DPEP3: variants seen among roughly 807,000 people sequenced by gnomAD.
The protein encoded by DPEP3 is membrane-bound dipeptidase 3.
In DPEP3, 42 loss-of-function variants were observed where a neutral mutation model predicts 47.5. The observed-to-expected ratio is 0.88, with a 90% CI of 0.69 to 1.14. The LOEUF is 1.14. Ranked by LOEUF, DPEP3 falls within the 50% of genes most tolerant of loss-of-function variation. DPEP3 has a pLI of 0.00. For synonymous variants in DPEP3, 276 were observed against 270.2 expected (o/e 1.02, Z -0.21); for missense variants, 560 against 635.0 (o/e 0.88, Z 1.27).
chr16:67,979,646 C>T lies in DPEP3; in HGVS notation c.407G>A (p.Gly136Asp), dbSNP rs767020082. ...TGTGTGTCCCTGTGGTACCTGGGCA[C>T]CCACGAGGCCGTCTCTAAGCCTGTC... ...SLDRLRDGLV[G>D]AQFWSASVSC... Residue 136 changes from glycine to aspartate, a missense_variant, in exon 2 of 10, where the codon GGT (glycine) becomes GAT (aspartate). By Grantham distance (94) the Gly-to-Asp change is moderately conservative. Transcript: ENST00000268793. 1 of 1,613,838 alleles carries T rather than the reference C, an allele frequency of 6.2e-7. No individual in the cohort carries two copies. The highest frequency in any genetic ancestry group is 8.5e-7 in the Non-Finnish European group (1 of 1,179,958).
At chr16:67,977,453 C>T in intron 6 of DPEP3, 99 bp from the exon 7 acceptor site, 1 of 1,367,758 alleles carries the variant, frequency 7.3e-7, no homozygotes, top group Non-Finnish European at 1.0e-6. Context: ...ATCCTGGCTT[C>T]AGGGGTTGGA....
intron 1 of DPEP3, 42 bp from the exon 2 acceptor site, chr16:67,979,807 A>C: frequency 6.2e-7 from 1 of 1,610,728 alleles, no homozygotes; most frequent in Non-Finnish European, 8.5e-7. Context: ...CCTCCAGATC[A>C]GTCAGGATAT....
chr16:67,976,254 G>A, intron 8 of DPEP3, 26 bp from the exon 9 acceptor site: 1 of 1,613,378 alleles, frequency 6.2e-7, no homozygotes, highest in Non-Finnish European at 8.5e-7. Flanking sequence ...CCAGCCAGCT[G>A]TGGGACCTTA....
intron 8 of DPEP3, 58 bp downstream of exon 8, chr16:67,976,635 GGAATGAA>G: frequency 6.7e-7 from 1 of 1,491,468 alleles, no homozygotes; most frequent in South Asian, 1.2e-5. Flanking sequence ...CGTCAGGATG[GGAATGAA>G]GACTAAAGGA....
chr16:67,976,305 G>C, intron 8 of DPEP3, 77 bp from the exon 9 acceptor site: 1 of 1,577,214 alleles, frequency 6.3e-7, no homozygotes. Context: ...ACCAGCCCTA[G>C]TCACACAGGG....
chr16:67,976,647 A>G, intron 8 of DPEP3, 53 bp downstream of exon 8: 1 of 1,558,486 alleles, frequency 6.4e-7, no homozygotes, highest in Non-Finnish European at 8.8e-7. Flanking sequence ...AATGAAGACT[A>G]AAGGACTCCC....
Position 67,975,833 on chromosome 16 carries a change from A to T in DPEP3, c.1399T>A (p.Ser467Thr). ...NRVPWRSSNA[S>T]PYLVPGLVAA... is the part of the protein sequence containing the mutation. ...ACAAGGCCTGGAACAAGGTATGGGGAGGCATTTGAGGACCTCCAGGGGACC... is the reference window on the plus strand; with the variant it reads ...ACAAGGCCTGGAACAAGGTATGGGGTGGCATTTGAGGACCTCCAGGGGACC... The change falls in exon 10 of 10, where the codon TCC becomes ACC. Residue 467 changes from serine to threonine, a missense_variant. Transcript: ENST00000268793. 6.2e-7 allele frequency: 1 copy of T among 1,613,898 alleles called. No homozygotes were observed. The highest frequency in any genetic ancestry group is 8.5e-7 in the Non-Finnish European group (1 of 1,179,858).
In DPEP3 at chr16:67,980,308, G is replaced by A. The variant is rs1291660002; in HGVS notation, c.73C>T (p.Leu25=). The change falls in exon 1 of 10, where the codon CTG becomes TTG. Residue 25 remains leucine (L), a synonymous_variant. Coordinates refer to ENST00000268793, the MANE Select transcript of DPEP3 (RefSeq NM_001370198.1). ...RYLRRLLLLL[L]LLLLRQPVTR... ...ACGGGCTGCCGCAGCAGCAGCAGCA[G>A]TAGCAGGAGCAGCAGACGCCGCAGA... The A allele has an allele frequency of 6.4e-7, 1 of 1,565,510 alleles. No individual in the cohort carries two copies. Among genetic ancestry groups the A allele is most frequent in the Non-Finnish European group, 8.6e-7 (1 of 1,156,942 alleles).
chr16:67,980,217 A>T lies in DPEP3; in HGVS notation c.164T>A (p.Phe55Tyr). The T allele has an allele frequency of 6.2e-7, 1 of 1,610,082 alleles. No homozygotes were observed. The highest frequency in any genetic ancestry group is 8.5e-7 in the Non-Finnish European group (1 of 1,178,224). The part of the protein sequence containing the change: ...ALSTLGSPSL[F>Y]TTPGVPSALT... ...GGCGCTGGGGACACCCGGCGTGGTG[A>T]AGAGGCTGGGGGAGCCCAGCGTGGA... Residue 55 changes from phenylalanine (F) to tyrosine (Y), a missense_variant, in exon 1 of 10, where the codon TTC (phenylalanine) becomes TAC (tyrosine). Transcript: ENST00000268793.
chr16:67,979,680 T>C lies in DPEP3; in HGVS notation c.373A>G (p.Thr125Ala), dbSNP rs769817080. ...VNLRNFSHGQ[T>A]SLDRLRDGLV... ...CCGTCTCTAAGCCTGTCCAGGCTGG[T>C]CTGACCATGGCTGAAATTTCGCAGG... The change falls in exon 2 of 10, where the codon ACC (threonine) becomes GCC (alanine). Residue 125 changes from threonine (T) to alanine (A), a missense_variant. Coordinates refer to ENST00000268793, the MANE Select transcript of DPEP3 (RefSeq NM_001370198.1). The C allele has an allele frequency of 2.5e-6, 4 of 1,614,154 alleles. No homozygotes were observed. The East Asian group carries it at 8.9e-5, about 36-fold the overall frequency.
At position 67,978,027 on chromosome 16, in the gene DPEP3, G is replaced by T; in HGVS notation, c.687-20C>A. 1.2e-6 allele frequency: 2 copies of T among 1,613,834 alleles called. No homozygotes were observed. Among genetic ancestry groups the T allele is most frequent in the Non-Finnish European group, 1.7e-6 (2 of 1,179,802 alleles). ...TCTGCCCTGCAGGACAGCCATGGAAGGGCAATTTAGCTGATCACACCTTGG... is the reference window on the plus strand; with the variant it reads ...TCTGCCCTGCAGGACAGCCATGGAATGGCAATTTAGCTGATCACACCTTGG... On this transcript the variant is annotated intron_variant, in intron 4 of 9. Coordinates refer to ENST00000268793, the MANE Select transcript of DPEP3 (RefSeq NM_001370198.1). This position sits in a 1 kb window ranked among gnomAD's most constrained non-coding sequence, Gnocchi z 4.4.
chr16:67,977,136 C>T (rs1012997577), intron 7 of DPEP3, 134 bp downstream of exon 7: 2 of 730,014 alleles, frequency 2.7e-6, no homozygotes, highest in African/African-American at 3.5e-5. Flanking sequence ...CACTGAAGAG[C>T]TGTGTCTGCT....
In DPEP3 at chr16:67,978,713, C is replaced by A; in HGVS notation, c.415-87G>T. The A allele has an allele frequency of 6.5e-7, 1 of 1,547,108 alleles. No homozygotes were observed. On this transcript the variant is annotated intron_variant, in intron 2 of 9. Coordinates refer to ENST00000268793, the MANE Select transcript of DPEP3 (RefSeq NM_001370198.1). This position sits in a 1 kb window ranked among gnomAD's most constrained non-coding sequence, Gnocchi z 4.4. ...CACTCCTGCCTCAGACCCCATAACA[C>A]CCATTTGGGTCAGTGGCCCCAAGTG...
At position 67,978,771 on chromosome 16, in the gene DPEP3, CT is replaced by C. The variant is rs1010521674; in HGVS notation, c.415-146del. Reference sequence around the variant, plus strand: ...ACATGACTCCATGGTACCTTGATGACTTTTTTTAAAATTATTTTTTATTTTT... The same window carrying C: ...ACATGACTCCATGGTACCTTGATGACTTTTTTAAAATTATTTTTTATTTTT... On this transcript the variant is annotated intron_variant, in intron 2 of 9. Coordinates refer to ENST00000268793, the MANE Select transcript of DPEP3 (RefSeq NM_001370198.1). The surrounding 1 kb of genome is among the most constrained non-coding windows in gnomAD (Gnocchi z 4.4). The C allele has an allele frequency of 1.5e-4, 136 of 892,216 alleles. No homozygotes were observed. In the East Asian group the frequency reaches 3.5e-3, roughly 23 times the overall value. The allele number at this position is 892,216 out of a possible 1,614,324, so 55.3% of individuals were successfully genotyped here.
chr16:67,980,350 C>A lies in DPEP3; in HGVS notation c.31G>T (p.Ala11Ser). 1 of 1,547,230 alleles carries A rather than the reference C, an allele frequency of 6.5e-7. No individual in the cohort carries two copies. Among genetic ancestry groups the A allele is most frequent in the Non-Finnish European group, 8.7e-7 (1 of 1,146,374 alleles). ...CGCCGCAGATACCGCCGGCTGAGCG[C>A]GCGGGAACCCTCGCGGCCCGTGGGC... is the stretch of plus-strand genomic sequence containing the variant. MQPTGREGSR[A>S]LSRRYLRRLL... Residue 11 changes from alanine to serine, a missense_variant, in exon 1 of 10, where the codon GCG (alanine) becomes TCG (serine). Transcript: ENST00000268793.
rs779227802 is a variant in DPEP3 at position 67,980,468 on chromosome 16, T to G, written c.-88A>C. 4.9e-6 allele frequency: 7 copies of G among 1,436,856 alleles called. No homozygotes were observed. In the Admixed American group the frequency reaches 2.0e-4, roughly 42 times the overall value. The allele number at this position is 1,436,856 out of a possible 1,614,324, so 89.0% of individuals were successfully genotyped here. ...GGGTCCGGATCATGACGACCCAGCC[T>G]CCCGAAGAGGGGGTTGAAGTCACGC... On this transcript the variant is annotated 5_prime_UTR_variant, in exon 1 of 10. Coordinates refer to ENST00000268793, the MANE Select transcript of DPEP3 (RefSeq NM_001370198.1).
At chr16:67,977,904 C>G (rs775170384) in intron 5 of DPEP3, 34 bp downstream of exon 5, 18 of 1,613,796 alleles carry the variant, frequency 1.1e-5, no homozygotes, top group Non-Finnish European at 1.5e-5. Flanking sequence ...CCGTAGGCAG[C>G]AGGTGGGTTG....
At chr16:67,976,509 G>A (rs2031198745) in intron 8 of DPEP3, among the ~76,000 whole-genome samples, 191 bp downstream of exon 8, 1 of 152,228 alleles carries the variant, frequency 6.6e-6, no homozygotes, top group Admixed American at 6.5e-5. Flanking sequence ...ACAACTTGGA[G>A]TGGGGCCACT....
Position 67,978,304 on chromosome 16 carries a change from G to A in DPEP3, c.649C>T (p.Arg217Cys), listed in dbSNP as rs142001942. ...VLRSFYVLGV[R>C]YLTLTFTCST... The stretch of plus-strand genomic sequence containing the variant: ...CAGGTGAAGGTAAGTGTCAGGTAGC[G>A]CACCCCCAGCACATAGAAACTGCGC... Residue 217 changes from arginine to cysteine, a missense_variant, in exon 4 of 10, where the codon CGC becomes TGC. Arg to Cys is a radical substitution (Grantham distance 180, BLOSUM62 -3). Coordinates refer to ENST00000268793, the MANE Select transcript of DPEP3 (RefSeq NM_001370198.1). This position sits in a 1 kb window ranked among gnomAD's most constrained non-coding sequence, Gnocchi z 4.4. The A allele has an allele frequency of 1.8e-4, 298 of 1,614,162 alleles. No homozygotes were observed. The East Asian group carries it at 5.9e-3, about 32-fold the overall frequency.
Sources: allele counts gnomAD v4.1 joint callset (sites outside exome capture counted in the v4.1 genomes callset), GRCh38; gene constraint gnomAD v4.1.1; non-coding constraint Gnocchi (gnomAD v3.1); transcripts MANE v1.5; gene names NCBI Gene and HGNC (gene_info 2026-07-23, HGNC 2026-07-21).